Variants in LRPPRC observed in about 807,000 individuals in gnomAD.
LRPPRC encodes leucine-rich PPR motif-containing protein, mitochondrial.
In LRPPRC, 120 loss-of-function variants were observed where a neutral mutation model predicts 180.3. The ratio of observed to expected loss-of-function variants is 0.67; its 90% CI spans 0.57 to 0.77. The LOEUF (loss-of-function observed/expected upper bound fraction) is 0.77, where lower values mean the gene tolerates loss of function less well. LRPPRC is among the 30% of genes least tolerant of loss of function. LRPPRC has a pLI of 0.00. For missense variants in LRPPRC, 2,012 were observed against 1,657.2 expected (o/e 1.21, Z -3.72); for synonymous variants, 723 against 600.0 (o/e 1.21, Z -3.00).
intron 30 of LRPPRC, among the ~76,000 whole-genome samples, chr2:43,906,122 C>CT (rs142657053): frequency 8.7e-5 from 13 of 149,858 alleles, no homozygotes; most frequent in South Asian, 2.1e-4. Context: ...AAGCTGGATA[C>CT]TTTTTTTTTT....
intron 14 of LRPPRC, among the ~76,000 whole-genome samples, chr2:43,955,380 G>A (rs1351220921): frequency 6.6e-6 from 1 of 150,814 alleles, no homozygotes; most frequent in Non-Finnish European, 1.5e-5. Context: ...GAAGCAGGAG[G>A]ATTACTTGAG....
intron 12 of LRPPRC, among the ~76,000 whole-genome samples, chr2:43,961,335 G>T (rs948640609): frequency 6.6e-6 from 1 of 152,008 alleles, no homozygotes; most frequent in East Asian, 1.9e-4. Flanking sequence ...AAGTAATGAA[G>T]GCAAAAAGAA....
At chr2:43,950,532 GTTAAAAGCACC>G in intron 15 of LRPPRC, 30 bp downstream of exon 15, 1 of 1,567,142 alleles carries the variant, frequency 6.4e-7, no homozygotes, top group South Asian at 1.1e-5. Flanking sequence ...GGCTTGTAAC[GTTAAAAGCACC>G]TTATGATTTG....
intron 34 of LRPPRC, among the ~76,000 whole-genome samples, chr2:43,897,967 G>C (rs1389065268): frequency 6.7e-6 from 1 of 149,262 alleles, no homozygotes; most frequent in East Asian, 2.0e-4. Flanking sequence ...TGAAGATAAA[G>C]CATGAGTATC....
intron 23 of LRPPRC, among the ~76,000 whole-genome samples, chr2:43,942,667 A>G (rs1411161453): frequency 1.3e-5 from 2 of 152,088 alleles, no homozygotes; most frequent in African/African-American, 4.8e-5. Flanking sequence ...ATAAATAAAG[A>G]AAAACTACCA....
chr2:43,992,438 A>G (rs988859588), intron 1 of LRPPRC, among the ~76,000 whole-genome samples: 7 of 152,210 alleles, frequency 4.6e-5, no homozygotes, highest in African/African-American at 1.4e-4. Context: ...ATGCCATGGG[A>G]GGGAACTCAG....
In LRPPRC at chr2:43,943,658, A is replaced by G. The variant is rs561630174; in HGVS notation, c.2504+29T>C. Reference sequence around the variant, plus strand: ...TTAGACTCATTCTTTTAATGCCAACATTTAAAATTCAAAATTCAATTAACT... The same window carrying G: ...TTAGACTCATTCTTTTAATGCCAACGTTTAAAATTCAAAATTCAATTAACT... On this transcript the variant is annotated intron_variant, in intron 23 of 37. Coordinates refer to ENST00000260665, the MANE Select transcript of LRPPRC (RefSeq NM_133259.4). 32 of 1,564,702 alleles carry G rather than the reference A, an allele frequency of 2.0e-5. No individual in the cohort carries two copies. In the South Asian group the frequency reaches 3.6e-4, roughly 17 times the overall value.
rs769158010 is a variant in LRPPRC at position 43,995,882 on chromosome 2, G to C, written c.66C>G (p.Leu22=). The C allele has an allele frequency of 1.5e-5, 22 of 1,507,844 alleles. No homozygotes were observed. Among genetic ancestry groups the C allele is most frequent in the Admixed American group, 2.1e-5 (1 of 47,904 alleles). 93.4% of individuals were successfully genotyped at this position (1,507,844 alleles called of 1,614,324 possible). Residue 22 remains leucine (L), a synonymous_variant, in exon 1 of 38, where the codon CTC becomes CTG. Transcript: ENST00000260665. ...LRAGAAPRLP[L]SLRLLPGGPG... is the part of the protein sequence containing the mutation. ...GGCCGCCAGGGAGGAGGCGCAGGGA[G>C]AGCGGGAGGCGCGGGGCCGCCCCGG...
intron 12 of LRPPRC, 131 bp downstream of exon 12, chr2:43,963,457 A>C (rs1163146585): frequency 1.4e-6 from 1 of 714,764 alleles, no homozygotes; most frequent in East Asian, 2.6e-5. Context: ...AAAAAAGAAA[A>C]AAAGAAAATT....
chr2:43,951,520 A>G (rs1558998277), intron 14 of LRPPRC, among the ~76,000 whole-genome samples: 1 of 152,198 alleles, frequency 6.6e-6, no homozygotes, highest in Non-Finnish European at 1.5e-5. Flanking sequence ...ACTAGGATTA[A>G]TTTTGTCAGG....
chr2:43,986,340 G>C (rs957778001), intron 1 of LRPPRC, among the ~76,000 whole-genome samples: 1 of 152,028 alleles, frequency 6.6e-6, no homozygotes, highest in African/African-American at 2.4e-5. Flanking sequence ...ATGTTGGCCA[G>C]GCTGGTCTCA....
chr2:43,970,877 T>C (rs943138999), intron 11 of LRPPRC, among the ~76,000 whole-genome samples: 1 of 152,092 alleles, frequency 6.6e-6, no homozygotes, highest in African/African-American at 2.4e-5. Flanking sequence ...TGGCGGGTGA[T>C]CACGTGAGGT....
chr2:43,962,420 T>C (rs1572551356), intron 12 of LRPPRC, among the ~76,000 whole-genome samples: 1 of 152,328 alleles, frequency 6.6e-6, no homozygotes, highest in South Asian at 2.1e-4. Context: ...ACTCTAACAT[T>C]ATTAGAAAAA....
chr2:43,902,226 TTGTA>T (rs1670915303), intron 31 of LRPPRC: 2 of 152,198 alleles, frequency 1.3e-5, no homozygotes, highest in African/African-American at 2.4e-5. Flanking sequence ...GGAGTTTTGT[TTGTA>T]TGTTTTTTTG....
chr2:43,935,702 T>C (rs940017080), intron 23 of LRPPRC, among the ~76,000 whole-genome samples: 1 of 152,224 alleles, frequency 6.6e-6, no homozygotes, highest in African/African-American at 2.4e-5. Flanking sequence ...CAATTTACTT[T>C]AACCCTGTCT....
chr2:43,888,695 G>T, intron 37 of LRPPRC, 39 bp from the exon 38 acceptor site: 2 of 1,083,140 alleles, frequency 1.8e-6, no homozygotes, highest in Non-Finnish European at 1.4e-6. Context: ...AGAGATACCA[G>T]CAAGAGGTGA....
chr2:43,986,583 T>C (rs1674536441), intron 1 of LRPPRC, among the ~76,000 whole-genome samples: 1 of 152,212 alleles, frequency 6.6e-6, no homozygotes. Flanking sequence ...TTATCAGGTG[T>C]TTAATTTGTG....
At chr2:43,994,024 A>G (rs1205025492) in intron 1 of LRPPRC, among the ~76,000 whole-genome samples, 2 of 152,140 alleles carry the variant, frequency 1.3e-5, no homozygotes, top group African/African-American at 2.4e-5. Context: ...CCTTTCTACT[A>G]AACTATGTTC....
intron 37 of LRPPRC, 145 bp downstream of exon 37, chr2:43,889,589 C>T (rs915040406): frequency 1.1e-5 from 8 of 743,142 alleles, no homozygotes; most frequent in African/African-American, 1.0e-4. Context: ...GCATGCTGCT[C>T]AGTCCCTCAA....
Sources: gnomAD v4.1 joint callset for allele counts (sites outside exome capture counted in the v4.1 genomes callset) on GRCh38, gnomAD v4.1.1 for gene constraint, MANE v1.5 for transcripts, NCBI Gene and HGNC (gene_info 2026-07-23, HGNC 2026-07-21) for gene names.